COL13A1: variants seen among roughly 807,000 people sequenced by gnomAD.
The protein encoded by COL13A1 is collagen type XIII alpha 1 chain, also known as collagen alpha-1(XIII) chain.
Under a neutral mutation model 130.9 loss-of-function variants are expected in COL13A1, and 89 were observed. The observed-to-expected ratio is 0.68, with a 90% CI of 0.57 to 0.81. COL13A1 has a LOEUF of 0.81. Ranked by LOEUF, COL13A1 falls within the 30% of genes least tolerant of loss-of-function variation. The pLI is 0.00. For synonymous variants in COL13A1, 402 were observed against 341.6 expected (o/e 1.18, Z -1.95); for missense variants, 879 against 934.6 (o/e 0.94, Z 0.78).
intron 1 of COL13A1, among the ~76,000 whole-genome samples, chr10:69,809,873 G>A (rs1842498611): frequency 6.6e-6 from 1 of 152,246 alleles, no homozygotes; most frequent in Non-Finnish European, 1.5e-5. Flanking sequence ...GGGCTTCCCA[G>A]GGTGGATGGG....
At chr10:69,919,178 C>A (rs1387061224) in intron 20 of COL13A1, 90 bp downstream of exon 20, 1 of 1,557,466 alleles carries the variant, frequency 6.4e-7, no homozygotes, top group Non-Finnish European at 8.8e-7. Flanking sequence ...CTCTTGGTCC[C>A]CCTGAGGCTG....
At chr10:69,840,066 T>C (rs1851184026) in intron 2 of COL13A1, among the ~76,000 whole-genome samples, 1 of 151,496 alleles carries the variant, frequency 6.6e-6, no homozygotes, top group South Asian at 2.1e-4. Context: ...ATGGGGAGAG[T>C]GTGCAGATTT....
At chr10:69,905,916 C>A in intron 17 of COL13A1, 94 bp downstream of exon 17, 13 of 1,429,376 alleles carry the variant, frequency 9.1e-6, no homozygotes, top group Non-Finnish European at 1.2e-5. Context: ...TCCCTTCCAA[C>A]CTAGGTGGCT....
chr10:69,804,218 C>A (rs894629797), intron 1 of COL13A1, among the ~76,000 whole-genome samples: 1 of 151,730 alleles, frequency 6.6e-6, no homozygotes, highest in Non-Finnish European at 1.5e-5. Flanking sequence ...GCAGTGAGAG[C>A]TCCTCCAGGT....
At chr10:69,911,878 A>G (rs1254436036) in intron 17 of COL13A1, among the ~76,000 whole-genome samples, 2 of 152,182 alleles carry the variant, frequency 1.3e-5, no homozygotes, top group Non-Finnish European at 2.9e-5. Context: ...GCTTGCCCCA[A>G]CCTTCCACGA....
chr10:69,817,728 G>A (rs1844957127), intron 1 of COL13A1, among the ~76,000 whole-genome samples: 1 of 151,954 alleles, frequency 6.6e-6, no homozygotes, highest in African/African-American at 2.4e-5. Context: ...CACAGAATTT[G>A]AGCCGGGCAC....
intron 1 of COL13A1, among the ~76,000 whole-genome samples, chr10:69,806,371 C>T (rs1045653043): frequency 6.6e-6 from 1 of 152,116 alleles, no homozygotes; most frequent in Non-Finnish European, 1.5e-5. Context: ...CAGGGAGGGC[C>T]GGCCAAGGGG....
chr10:69,928,653 T>G (rs1354460888), intron 27 of COL13A1, among the ~76,000 whole-genome samples: 1 of 152,200 alleles, frequency 6.6e-6, no homozygotes, highest in African/African-American at 2.4e-5. Context: ...CTTAGCTTCT[T>G]GGAGCCCAAA....
intron 35 of COL13A1, among the ~76,000 whole-genome samples, chr10:69,943,035 T>C (rs1222309958): frequency 2.0e-5 from 3 of 152,038 alleles, no homozygotes; most frequent in African/African-American, 7.2e-5. Flanking sequence ...TTTAGTAGAG[T>C]TGGGGTTTCG....
At chr10:69,926,976 C>CCA in intron 26 of COL13A1, 111 bp from the exon 27 acceptor site, 1 of 1,470,710 alleles carries the variant, frequency 6.8e-7, no homozygotes, top group East Asian at 2.3e-5. Context: ...CTCCCTCCAC[C>CCA]CACGCTCCTT....
chr10:69,837,369 G>C (rs540442157), intron 2 of COL13A1, among the ~76,000 whole-genome samples: 1 of 152,300 alleles, frequency 6.6e-6, no homozygotes, highest in African/African-American at 2.4e-5. Flanking sequence ...AGAGGCACTG[G>C]TGTGTCAGCC....
chr10:69,918,581 G>A (rs2064226056), intron 19 of COL13A1, among the ~76,000 whole-genome samples: 1 of 152,224 alleles, frequency 6.6e-6, no homozygotes, highest in African/African-American at 2.4e-5. Flanking sequence ...CAGGAAGGCA[G>A]CCCAGATCTT....
chr10:69,809,216 T>C (rs1358598286), intron 1 of COL13A1, among the ~76,000 whole-genome samples: 1 of 152,234 alleles, frequency 6.6e-6, no homozygotes, highest in Non-Finnish European at 1.5e-5. Flanking sequence ...ACATCCTCCT[T>C]ACAGGGTTGT....
At chr10:69,853,235 G>A (rs937474219) in intron 2 of COL13A1, among the ~76,000 whole-genome samples, 7 of 152,202 alleles carry the variant, frequency 4.6e-5, no homozygotes, top group Non-Finnish European at 1.0e-4. Context: ...TCTTGGTCCT[G>A]CTGTTTCCAT....
intron 2 of COL13A1, among the ~76,000 whole-genome samples, chr10:69,850,187 G>A (rs1172251842): frequency 6.6e-6 from 1 of 151,764 alleles, no homozygotes; most frequent in Non-Finnish European, 1.5e-5. Context: ...GTCCACATTT[G>A]TAAAATGAAT....
At chr10:69,872,335 A>C in intron 4 of COL13A1, 125 bp downstream of exon 4, 1 of 1,081,138 alleles carries the variant, frequency 9.2e-7, no homozygotes, top group Non-Finnish European at 1.4e-6. Context: ...CACTCTCCAG[A>C]GTCCCTGATC....
chr10:69,828,147 C>A (rs761845997), intron 2 of COL13A1, among the ~76,000 whole-genome samples: 1 of 152,130 alleles, frequency 6.6e-6, no homozygotes, highest in African/African-American at 2.4e-5. Flanking sequence ...TAAAGCAGAT[C>A]CCCTGGGGCC....
chr10:69,930,325 C>T, intron 29 of COL13A1, 75 bp from the exon 30 acceptor site: 3 of 1,414,416 alleles, frequency 2.1e-6, no homozygotes, highest in Non-Finnish European at 2.9e-6. Flanking sequence ...GGCCTTTGGA[C>T]TTTTCTACTC....
intron 26 of COL13A1, among the ~76,000 whole-genome samples, chr10:69,926,164 C>A (rs531388922): frequency 1.3e-5 from 2 of 152,244 alleles, no homozygotes; most frequent in Non-Finnish European, 2.9e-5. Flanking sequence ...ATTATCCTGG[C>A]ACCCCACAAG....
Sources: gnomAD v4.1 joint callset for allele counts (sites outside exome capture counted in the v4.1 genomes callset) on GRCh38, gnomAD v4.1.1 for gene constraint, MANE v1.5 for transcripts, NCBI Gene and HGNC (gene_info 2026-07-23, HGNC 2026-07-21) for gene names.